Variants in STK10 observed in about 807,000 individuals in gnomAD.
STK10 encodes the protein serine/threonine kinase 10.
In STK10, 78 loss-of-function variants were observed where a neutral mutation model predicts 113.8. The ratio of observed to expected loss-of-function variants is 0.69; its 90% CI spans 0.57 to 0.83. The LOEUF is 0.83. Ranked by LOEUF, STK10 falls within the 40% of genes least tolerant of loss-of-function variation. The pLI is 0.00. For synonymous variants in STK10, 465 were observed against 494.7 expected, an observed-to-expected ratio of 0.94 and a Z score of 0.80; for missense variants, 1,109 against 1,280.1, an observed-to-expected ratio of 0.87 and a Z score of 2.04.
At position 172,096,268 on chromosome 5, in the gene STK10, A is replaced by G. The variant is rs79320684; in HGVS notation, c.1005+158T>C. Reference sequence around the variant, plus strand: ...GCTGCCTCACCCCGGCCCACATGCCATCTTACGTTACCTGCAGCGTGGGAG... The same window carrying G: ...GCTGCCTCACCCCGGCCCACATGCCGTCTTACGTTACCTGCAGCGTGGGAG... On this transcript the variant is annotated intron_variant, in intron 8 of 18. Coordinates refer to ENST00000176763, the MANE Select transcript of STK10 (RefSeq NM_005990.4). 9.7e-3 allele frequency among the ~76,000 whole-genome samples: 1,471 copies of G among 152,320 alleles called. 19 individuals are homozygous for G. Among genetic ancestry groups the G allele is most frequent in the African/African-American group, 0.033 (1,379 of 41,566 alleles).
At chr5:172,182,210 A>AG (rs1770869641) in intron 1 of STK10, among the ~76,000 whole-genome samples, 1 of 150,038 alleles carries the variant, frequency 6.7e-6, no homozygotes, top group Non-Finnish European at 1.5e-5. Flanking sequence ...GGCTGAGGCA[A>AG]GAGAATTGCT....
At chr5:172,107,678 T>TGCCCACAGACTGACCGGGC in intron 5 of STK10, 102 bp downstream of exon 5, 1 of 1,075,814 alleles carries the variant, frequency 9.3e-7, no homozygotes, top group Non-Finnish European at 1.4e-6. Context: ...GCAGGGCGTG[T>TGCCCACAGACTGACCGGGC]AGCCCTTGTC....
chr5:172,104,491 G>C (rs1196145842), intron 7 of STK10, among the ~76,000 whole-genome samples: 1 of 152,194 alleles, frequency 6.6e-6, no homozygotes, highest in Non-Finnish European at 1.5e-5. Flanking sequence ...AGGCAGTACA[G>C]CCAGCTAATG....
In STK10 at chr5:172,075,017, TA is replaced by T. The variant is rs879743766; in HGVS notation, c.1989+7308del. Among the ~76,000 whole-genome samples, 1,186 of 141,358 alleles carry T rather than the reference TA, an allele frequency of 8.4e-3. 5 individuals carry two copies. The highest frequency in any genetic ancestry group is 0.017 in the African/African-American group (677 of 38,744). 92.7% of individuals were successfully genotyped at this position (141,358 alleles called of 152,430 possible). On this transcript the variant is annotated intron_variant, in intron 12 of 18. Transcript: ENST00000176763. ...CCTGGGGGACCGAGTGAGACTCCAT[TA>T]AAAAAAAAAAAAATTAGCTGAGTGT...
chr5:172,071,623 C>G (rs1182439092), intron 12 of STK10, among the ~76,000 whole-genome samples: 1 of 152,156 alleles, frequency 6.6e-6, no homozygotes, highest in African/African-American at 2.4e-5. Flanking sequence ...ACAGCTACTA[C>G]AGCTGTGCAC....
rs1770993945 is a variant in STK10, at chr5:172,188,079, T to C, written c.-37A>G. 6.3e-7 allele frequency: 1 copy of C among 1,597,452 alleles called. No individual in the cohort carries two copies. The highest frequency in any genetic ancestry group is 8.5e-7 in the Non-Finnish European group (1 of 1,172,156). ...CGGTGGCGCCGGCTCGGGCTCGGGC[T>C]CGGGCTCGGGCTGTGGCTTCGGCGG... On this transcript the variant is annotated 5_prime_UTR_variant, in exon 1 of 19. Transcript: ENST00000176763. This position sits in a 1 kb window ranked among gnomAD's most constrained non-coding sequence, Gnocchi z 5.6.
intron 8 of STK10, among the ~76,000 whole-genome samples, chr5:172,095,794 C>T (rs1315664144): frequency 3.9e-5 from 6 of 152,220 alleles, no homozygotes; most frequent in Non-Finnish European, 7.3e-5. Flanking sequence ...AGGGAGCCAC[C>T]GGGATGGCCA....
rs558367142 is a variant in STK10, at chr5:172,187,753, T to C, written c.156+134A>G. On this transcript the variant is annotated intron_variant, in intron 1 of 18. Coordinates refer to ENST00000176763, the MANE Select transcript of STK10 (RefSeq NM_005990.4). This position sits in a 1 kb window ranked among gnomAD's most constrained non-coding sequence, Gnocchi z 4.6. Reference sequence around the variant, plus strand: ...CCCCAAAAAACAAGAGTCATCGGGATGAGGGCCAGGGACCCCGAATTCAGC... The same window carrying C: ...CCCCAAAAAACAAGAGTCATCGGGACGAGGGCCAGGGACCCCGAATTCAGC... The C allele has an allele frequency of 7.5e-7, 1 of 1,326,680 alleles. No individual in the cohort carries two copies. The highest frequency in any genetic ancestry group is 1.4e-5 in the South Asian group (1 of 70,858). The allele number at this position is 1,326,680 out of a possible 1,614,324, so 82.2% of individuals were successfully genotyped here. A position where few individuals can be genotyped will look rare whatever the true frequency, so the allele number is the denominator to read the frequency against.
At chr5:172,056,107 T>C (rs1010171431) in intron 15 of STK10, among the ~76,000 whole-genome samples, 1 of 152,194 alleles carries the variant, frequency 6.6e-6, no homozygotes, top group Non-Finnish European at 1.5e-5. Context: ...TATGAACTTA[T>C]ATTTTAAAAA....
At chr5:172,167,473 G>A (rs1305107126) in intron 1 of STK10, among the ~76,000 whole-genome samples, 4 of 152,182 alleles carry the variant, frequency 2.6e-5, no homozygotes, top group Non-Finnish European at 4.4e-5. Flanking sequence ...GAAGTCAAGC[G>A]ATTTATAAAG....
At chr5:172,170,600 G>T (rs557219037) in intron 1 of STK10, among the ~76,000 whole-genome samples, 9 of 152,338 alleles carry the variant, frequency 5.9e-5, no homozygotes, top group African/African-American at 2.2e-4. Flanking sequence ...ACAGCTCAGG[G>T]AAATGTTGAG....
intron 18 of STK10, among the ~76,000 whole-genome samples, chr5:172,050,974 T>C (rs1416682986): frequency 6.6e-6 from 1 of 151,358 alleles, no homozygotes; most frequent in African/African-American, 2.4e-5. Context: ...ACTTTAGGAG[T>C]GGTGGCGGGT....
chr5:172,162,452 A>T (rs150333584), intron 1 of STK10, among the ~76,000 whole-genome samples: 35 of 150,756 alleles, frequency 2.3e-4, no homozygotes, highest in Non-Finnish European at 3.1e-4. Flanking sequence ...TCTCTCTCTC[A>T]CACACACACA....
At chr5:172,051,625 A>G (rs1242039212) in intron 18 of STK10, among the ~76,000 whole-genome samples, 1 of 152,134 alleles carries the variant, frequency 6.6e-6, no homozygotes, top group African/African-American at 2.4e-5. Flanking sequence ...AACTGTCTCT[A>G]AAATAAAAAA....
chr5:172,052,185 A>G (rs1255662443), intron 18 of STK10, among the ~76,000 whole-genome samples: 1 of 152,196 alleles, frequency 6.6e-6, no homozygotes, highest in African/African-American at 2.4e-5. Flanking sequence ...CATTCAAAGC[A>G]CGAGGAGGTC....
intron 14 of STK10, 122 bp downstream of exon 14, chr5:172,061,017 T>G: frequency 7.1e-7 from 1 of 1,403,260 alleles, no homozygotes; most frequent in Non-Finnish European, 9.4e-7. Context: ...CCATGAAGAA[T>G]GATGTTTAGT....
intron 4 of STK10, among the ~76,000 whole-genome samples, chr5:172,110,108 GCC>G (rs1318411930): frequency 6.6e-6 from 1 of 152,246 alleles, no homozygotes; most frequent in Admixed American, 6.5e-5. Context: ...CGAGACACTA[GCC>G]GGGATCAGAG....
chr5:172,162,919 G>A (rs1175125667), intron 1 of STK10, among the ~76,000 whole-genome samples: 2 of 152,274 alleles, frequency 1.3e-5, no homozygotes, highest in Admixed American at 6.5e-5. Flanking sequence ...CTGACCAGAC[G>A]GCCAGGCCTC....
At chr5:172,057,108 T>G in intron 15 of STK10, 2 of 512,920 alleles carry the variant, frequency 3.9e-6, no homozygotes. Context: ...TAACAGTCAG[T>G]GAGGGAGCCA....
Sources: allele counts gnomAD v4.1 joint callset (sites outside exome capture counted in the v4.1 genomes callset), GRCh38; gene constraint gnomAD v4.1.1; non-coding constraint Gnocchi (gnomAD v3.1); transcripts MANE v1.5; gene names NCBI Gene and HGNC (gene_info 2026-07-23, HGNC 2026-07-21).